CCSER1: variants seen among roughly 807,000 people sequenced by gnomAD.
CCSER1 encodes coiled-coil serine rich protein 1.
In CCSER1, 41 loss-of-function variants were observed where a neutral mutation model predicts 82.0. That is an observed-to-expected ratio of 0.50 (90% CI 0.39 to 0.65). The LOEUF is 0.65. Ranked by LOEUF, CCSER1 falls within the 30% of genes least tolerant of loss-of-function variation. The pLI, the probability that CCSER1 is intolerant of heterozygous loss-of-function variation, is 0.00. For synonymous variants in CCSER1, 414 were observed against 383.9 expected (o/e 1.08, Z -0.92); for missense variants, 1,119 against 1,064.2 (o/e 1.05, Z -0.72).
intron 7 of CCSER1, among the ~76,000 whole-genome samples, chr4:90,778,537 A>AAC (rs549221196): frequency 0.056 from 8,517 of 151,300 alleles, 355 homozygotes; most frequent in Admixed American, 0.11. Context: ...TAAAAAAAAA[A>AAC]AAACACAAAA....
At chr4:90,427,176 T>G (rs1757639765) in intron 4 of CCSER1, among the ~76,000 whole-genome samples, 1 of 152,046 alleles carries the variant, frequency 6.6e-6, no homozygotes, top group East Asian at 1.9e-4. Flanking sequence ...ATAGTTTTCC[T>G]AGCTCAGTCA....
chr4:90,703,821 G>A (rs1470993278), intron 6 of CCSER1, among the ~76,000 whole-genome samples: 2 of 151,886 alleles, frequency 1.3e-5, no homozygotes, highest in Non-Finnish European at 2.9e-5. Context: ...TTTTCCATTT[G>A]CTTGGTAGAT....
At chr4:90,191,905 A>G (rs561794401) in intron 1 of CCSER1, among the ~76,000 whole-genome samples, 1 of 152,114 alleles carries the variant, frequency 6.6e-6, no homozygotes, top group Non-Finnish European at 1.5e-5. Context: ...ACTATATACT[A>G]GAGACATTGC....
intron 10 of CCSER1, among the ~76,000 whole-genome samples, chr4:91,105,356 C>T (rs1032672716): frequency 1.3e-5 from 2 of 151,550 alleles, no homozygotes; most frequent in Admixed American, 1.3e-4. Context: ...TTGTTCTCTT[C>T]AATAACTTTG....
At position 91,176,339 on chromosome 4, in the gene CCSER1, A is replaced by AT. The variant is rs200723557; in HGVS notation, c.2217+90352dup. Among the ~76,000 whole-genome samples, 678 of 152,146 alleles carry AT rather than the reference A, an allele frequency of 4.5e-3. 8 individuals carry two copies. Among genetic ancestry groups the AT allele is most frequent in the African/African-American group, 0.015 (625 of 41,500 alleles). ...TTTGGTTCCATATGTACTTTGAAGT[A>AT]TTTTTTTCCAATTCTGTGAAGAAAG... On this transcript the variant is annotated intron_variant, in intron 10 of 10. Transcript: ENST00000509176.
chr4:91,410,383 T>C (rs1752950890), intron 10 of CCSER1, among the ~76,000 whole-genome samples: 1 of 152,182 alleles, frequency 6.6e-6, no homozygotes, highest in South Asian at 2.1e-4. Context: ...CAGAATGTAA[T>C]TTACTCACAT....
chr4:90,589,961 C>T (rs1416427004), intron 5 of CCSER1, among the ~76,000 whole-genome samples: 2 of 152,202 alleles, frequency 1.3e-5, no homozygotes, highest in African/African-American at 4.8e-5. Context: ...TCTGTAATCT[C>T]ATTACCTTGT....
At chr4:90,340,392 A>G (rs1423486128) in intron 3 of CCSER1, among the ~76,000 whole-genome samples, 6 of 152,176 alleles carry the variant, frequency 3.9e-5, no homozygotes, top group East Asian at 1.9e-4. Flanking sequence ...GTGTAATGAG[A>G]GACTTTTGTT....
intron 10 of CCSER1, among the ~76,000 whole-genome samples, chr4:91,326,186 T>G (rs2178222): frequency 0.77 from 116,525 of 152,034 alleles, 45,130 homozygotes; most frequent in East Asian, 0.88. Flanking sequence ...CACTGCATTA[T>G]TCTGTTCTCA....
chr4:90,655,946 T>C (rs1044631236), intron 6 of CCSER1, among the ~76,000 whole-genome samples: 3 of 151,908 alleles, frequency 2.0e-5, no homozygotes, highest in Non-Finnish European at 1.5e-5. Flanking sequence ...CTAAGAGGCT[T>C]TGCACAGTTA....
At chr4:90,714,391 A>T (rs2149339020) in intron 6 of CCSER1, among the ~76,000 whole-genome samples, 1 of 152,116 alleles carries the variant, frequency 6.6e-6, no homozygotes, top group Non-Finnish European at 1.5e-5. Context: ...ACTGTCAGTT[A>T]AATGTCGTTA....
chr4:91,201,045 T>G (rs1362250403), intron 10 of CCSER1, among the ~76,000 whole-genome samples: 1 of 152,048 alleles, frequency 6.6e-6, no homozygotes, highest in East Asian at 1.9e-4. Context: ...TTACTATGTA[T>G]CTGACTGTGT....
chr4:91,111,898 T>TA (rs1451461210), intron 10 of CCSER1, among the ~76,000 whole-genome samples: 45 of 148,982 alleles, frequency 3.0e-4, no homozygotes, highest in Non-Finnish European at 1.2e-4. Flanking sequence ...TTTAATAGGG[T>TA]AAATGGAAAA....
At chr4:91,468,056 T>C (rs1309980000) in intron 10 of CCSER1, among the ~76,000 whole-genome samples, 1 of 152,154 alleles carries the variant, frequency 6.6e-6, no homozygotes, top group Non-Finnish European at 1.5e-5. Flanking sequence ...TACACACATA[T>C]GTTTATTGCA....
chr4:90,232,713 C>T (rs1436197919), intron 1 of CCSER1, among the ~76,000 whole-genome samples: 1 of 144,814 alleles, frequency 6.9e-6, no homozygotes, highest in African/African-American at 2.6e-5. Context: ...AAAATTTTCA[C>T]AACCTACTCA....
chr4:91,110,907 G>C (rs1726044307), intron 10 of CCSER1, among the ~76,000 whole-genome samples: 1 of 151,776 alleles, frequency 6.6e-6, no homozygotes, highest in African/African-American at 2.4e-5. Flanking sequence ...AAATAGAGCA[G>C]TAAAAGTTGG....
chr4:91,186,217 G>A (rs559777398), intron 10 of CCSER1, among the ~76,000 whole-genome samples: 12 of 152,238 alleles, frequency 7.9e-5, no homozygotes, highest in Non-Finnish European at 1.3e-4. Context: ...GAAGGGTAGG[G>A]ATGAACCTCT....
At chr4:91,276,562 G>A (rs769561150) in intron 10 of CCSER1, among the ~76,000 whole-genome samples, 7 of 151,716 alleles carry the variant, frequency 4.6e-5, no homozygotes, top group Non-Finnish European at 1.0e-4. Flanking sequence ...AGCTCTTTCT[G>A]TAATAGAAAT....
intron 6 of CCSER1, among the ~76,000 whole-genome samples, chr4:90,647,297 G>A (rs1389448179): frequency 1.3e-5 from 2 of 152,160 alleles, no homozygotes; most frequent in African/African-American, 4.8e-5. Flanking sequence ...ATTTTTGAGA[G>A]TAAGACATGG....
Sources: allele counts gnomAD v4.1 joint callset (sites outside exome capture counted in the v4.1 genomes callset), GRCh38; gene constraint gnomAD v4.1.1; transcripts MANE v1.5; gene names NCBI Gene and HGNC (gene_info 2026-07-23, HGNC 2026-07-21).